Variants in GFOD1 observed in about 807,000 individuals in gnomAD.
GFOD1 encodes the protein Gfo/Idh/MocA-like oxidoreductase domain containing 1.
GFOD1 carries 9 observed loss-of-function variants against 25.4 expected under a neutral mutation model. That is an observed-to-expected ratio of 0.35 (90% CI 0.21 to 0.62). GFOD1 has a LOEUF of 0.62. Ranked by LOEUF, GFOD1 falls within the 20% of genes least tolerant of loss-of-function variation. The pLI is 0.72. For missense variants in GFOD1, 403 were observed against 556.9 expected (o/e 0.72, Z 2.78); for synonymous variants, 253 against 245.6 (o/e 1.03, Z -0.28).
At chr6:13,474,384 A>AAAAAT (rs1025407361) in intron 1 of GFOD1, among the ~76,000 whole-genome samples, 1 of 152,162 alleles carries the variant, frequency 6.6e-6, no homozygotes, top group African/African-American at 2.4e-5. Context: ...CGTCTTGGGA[A>AAAAAT]AAAATAAAAT....
At chr6:13,384,254 A>C (rs1245370172) in intron 1 of GFOD1, among the ~76,000 whole-genome samples, 1 of 152,186 alleles carries the variant, frequency 6.6e-6, no homozygotes, top group East Asian at 1.9e-4. Context: ...AACTAAACTA[A>C]AATAAAACAA....
intron 1 of GFOD1, among the ~76,000 whole-genome samples, chr6:13,390,835 A>ACAG (rs1444971895): frequency 7.9e-6 from 1 of 125,910 alleles, no homozygotes; most frequent in African/African-American, 2.7e-5. Context: ...AAGGATAATA[A>ACAG]CAGTATCTAC....
intron 1 of GFOD1, among the ~76,000 whole-genome samples, chr6:13,367,291 C>G (rs1015555175): frequency 9.2e-5 from 14 of 152,148 alleles, no homozygotes; most frequent in Non-Finnish European, 2.1e-4. Context: ...TAATGTCTTC[C>G]CCTCTCCACC....
chr6:13,405,207 A>T (rs974025557), intron 1 of GFOD1, among the ~76,000 whole-genome samples: 3 of 152,236 alleles, frequency 2.0e-5, no homozygotes, highest in African/African-American at 7.2e-5. Flanking sequence ...CAATAACTTA[A>T]AAAAAGTGCT....
intron 1 of GFOD1, among the ~76,000 whole-genome samples, chr6:13,484,000 T>C (rs181817557): frequency 6.6e-6 from 1 of 152,318 alleles, no homozygotes; most frequent in Admixed American, 6.5e-5. Flanking sequence ...GTGTAGAAAG[T>C]ACACTTGGTA....
At chr6:13,432,695 G>A (rs1185509947) in intron 1 of GFOD1, among the ~76,000 whole-genome samples, 1 of 152,120 alleles carries the variant, frequency 6.6e-6, no homozygotes, top group Non-Finnish European at 1.5e-5. Flanking sequence ...CAGCTACACG[G>A]TTTCCCTTGA....
Position 13,360,380 on chromosome 6 carries a change from G to A in GFOD1, c.*4363C>T, listed in dbSNP as rs2127553305. 1 of 288,362 alleles carries A rather than the reference G, an allele frequency of 3.5e-6. No homozygotes were observed. Among genetic ancestry groups the A allele is most frequent in the East Asian group, 9.8e-5 (1 of 10,206 alleles). The allele number at this position is 288,362 out of a possible 1,614,324, so 17.9% of individuals were successfully genotyped here. A position where few individuals can be genotyped will look rare whatever the true frequency, so the allele number is the denominator to read the frequency against. ...GGCCAAATTCAATAGCTGTGGCTAT[G>A]AGACAAGATGAAGAGAGTAGGGGTG... is the stretch of plus-strand genomic sequence containing the variant. On this transcript the variant is annotated 3_prime_UTR_variant, in exon 2 of 2. Coordinates refer to ENST00000379287, the MANE Select transcript of GFOD1 (RefSeq NM_018988.4).
intron 1 of GFOD1, among the ~76,000 whole-genome samples, chr6:13,437,650 T>C (rs923451332): frequency 1.3e-5 from 2 of 152,214 alleles, no homozygotes; most frequent in African/African-American, 2.4e-5. Context: ...AATCAGCCCA[T>C]TCAAAAAGAC....
intron 1 of GFOD1, among the ~76,000 whole-genome samples, chr6:13,477,974 C>T (rs1228185393): frequency 6.6e-6 from 1 of 150,890 alleles, no homozygotes; most frequent in East Asian, 2.0e-4. Flanking sequence ...TGAGGCACAA[C>T]AATTGCTGGA....
intron 1 of GFOD1, among the ~76,000 whole-genome samples, chr6:13,458,063 T>A (rs1280606466): frequency 6.6e-6 from 1 of 152,212 alleles, no homozygotes; most frequent in African/African-American, 2.4e-5. Context: ...TTGCCCTGTT[T>A]TCCTCATCCA....
At chr6:13,431,173 T>C (rs1757742553) in intron 1 of GFOD1, among the ~76,000 whole-genome samples, 1 of 152,202 alleles carries the variant, frequency 6.6e-6, no homozygotes, top group Non-Finnish European at 1.5e-5. Flanking sequence ...AGGTTAGTGG[T>C]GGTGGGGACT....
chr6:13,438,927 T>G (rs1271742931), intron 1 of GFOD1, among the ~76,000 whole-genome samples: 1 of 152,234 alleles, frequency 6.6e-6, no homozygotes, highest in East Asian at 1.9e-4. Context: ...GATTTTATAA[T>G]TAATACTTAT....
At position 13,360,512 on chromosome 6, in the gene GFOD1, A is replaced by T. The variant is rs1014437662; in HGVS notation, c.*4231T>A. On this transcript the variant is annotated 3_prime_UTR_variant, in exon 2 of 2. Coordinates refer to ENST00000379287, the MANE Select transcript of GFOD1 (RefSeq NM_018988.4). ...TTCCTACGTTATATTCAGACCCCCA[A>T]GAGCAAATTCCAAGGCCATCTATAA... The T allele has an allele frequency of 2.0e-5, 7 of 357,256 alleles. No individual in the cohort carries two copies. The highest frequency in any genetic ancestry group is 6.2e-5 in the South Asian group (3 of 48,264). 22.1% of individuals were successfully genotyped at this position (357,256 alleles called of 1,614,324 possible).
chr6:13,414,033 C>T (rs1004708219), intron 1 of GFOD1, among the ~76,000 whole-genome samples: 3 of 152,210 alleles, frequency 2.0e-5, no homozygotes, highest in Non-Finnish European at 4.4e-5. Context: ...AAGCAAATCA[C>T]GTTTATTCTA....
intron 1 of GFOD1, among the ~76,000 whole-genome samples, chr6:13,390,796 G>GAAGGAAGGAAGGAAGGAAGA (rs1554200657): frequency 7.3e-5 from 11 of 149,770 alleles, no homozygotes; most frequent in Middle Eastern, 3.4e-3. Context: ...AGGAAGGAAG[G>GAAGGAAGGAAGGAAGGAAGA]AAGGAAGGAA....
intron 1 of GFOD1, among the ~76,000 whole-genome samples, chr6:13,478,494 T>C (rs958870033): frequency 2.0e-5 from 3 of 152,206 alleles, no homozygotes; most frequent in African/African-American, 7.2e-5. Flanking sequence ...TCAGCACTTT[T>C]CTTGGAGAGT....
intron 1 of GFOD1, among the ~76,000 whole-genome samples, chr6:13,444,417 G>A (rs1029337776): frequency 6.6e-6 from 1 of 151,154 alleles, no homozygotes; most frequent in Admixed American, 6.6e-5. Context: ...TGGGTACTAA[G>A]CTTAGTATCT....
intron 1 of GFOD1, among the ~76,000 whole-genome samples, chr6:13,481,938 T>C (rs1479010545): frequency 1.3e-5 from 2 of 152,132 alleles, no homozygotes; most frequent in African/African-American, 4.8e-5. Context: ...TAAGCCAAAA[T>C]TGGAAACAAC....
chr6:13,422,419 T>C (rs6919467), intron 1 of GFOD1, among the ~76,000 whole-genome samples: 4,631 of 152,238 alleles, frequency 0.03, 249 homozygotes, highest in African/African-American at 0.11. Flanking sequence ...TGACACTTAG[T>C]GTCCCCAAGA....
Sources: gnomAD v4.1 joint callset for allele counts (sites outside exome capture counted in the v4.1 genomes callset) on GRCh38, gnomAD v4.1.1 for gene constraint, MANE v1.5 for transcripts, NCBI Gene and HGNC (gene_info 2026-07-23, HGNC 2026-07-21) for gene names.